Variants in PDZK1 observed in about 807,000 individuals in gnomAD.
PDZK1 encodes PDZ domain containing 1.
A neutral mutation model predicts 38.1 loss-of-function variants in PDZK1; 23 were observed. The ratio of observed to expected loss-of-function variants is 0.60; its 90% CI spans 0.43 to 0.85. The LOEUF (loss-of-function observed/expected upper bound fraction) is 0.85. Among genes scored for constraint, PDZK1 ranks in the 40% least tolerant of loss-of-function variants. The probability of loss-of-function intolerance (pLI) is 0.00; values close to 1 mark genes in which losing one functional copy is unlikely to be tolerated. For missense variants in PDZK1, 297 were observed against 504.3 expected (o/e 0.59, Z 3.94); for synonymous variants, 98 against 186.2 (o/e 0.53, Z 3.86).
At chr1:145,687,398 G>A (rs1654878023) in intron 2 of PDZK1, among the ~76,000 whole-genome samples, 1 of 150,468 alleles carries the variant, frequency 6.6e-6, no homozygotes, top group African/African-American at 2.4e-5. Context: ...GGTGGCGGGT[G>A]CCTATAGTCC....
chr1:145,702,786 G>A (rs587720733), intron 1 of PDZK1, among the ~76,000 whole-genome samples: 9 of 152,214 alleles, frequency 5.9e-5, no homozygotes, highest in East Asian at 5.8e-4. Context: ...CAAGCTACTC[G>A]GGAGGCTGAG....
At chr1:145,678,912 A>G (rs1259249690) in intron 5 of PDZK1, among the ~76,000 whole-genome samples, 1 of 150,418 alleles carries the variant, frequency 6.6e-6, no homozygotes, top group African/African-American at 2.4e-5. Flanking sequence ...AAAGCGTCTG[A>G]CATTTGATTT....
chr1:145,683,892 G>C (rs1157495693), intron 3 of PDZK1, among the ~76,000 whole-genome samples: 3 of 149,724 alleles, frequency 2.0e-5, no homozygotes, highest in African/African-American at 7.4e-5. Flanking sequence ...TGTCACCTAG[G>C]CTGGAACGCA....
rs1330373815 is a variant in PDZK1, at chr1:145,671,051, T to C, written c.*385A>G. The C allele has an allele frequency of 5.8e-6, 1 of 171,336 alleles. No individual in the cohort carries two copies. The highest frequency in any genetic ancestry group is 1.2e-5 in the Non-Finnish European group (1 of 80,666). The allele number at this position is 171,336 out of a possible 1,614,324, so 10.6% of individuals were successfully genotyped here. On this transcript the variant is annotated 3_prime_UTR_variant, in exon 9 of 9. Coordinates refer to ENST00000417171, the MANE Select transcript of PDZK1 (RefSeq NM_001201325.2). ...TTACAAAAGCACAATTTTAATAGGC[T>C]TATCTGCTAAGATGCTTTTATAAGC...
intron 1 of PDZK1, among the ~76,000 whole-genome samples, chr1:145,705,857 C>A (rs1360709370): frequency 6.6e-6 from 1 of 152,066 alleles, no homozygotes; most frequent in Non-Finnish European, 1.5e-5. Flanking sequence ...CTCAAGCAAC[C>A]CTTCCATTTC....
intron 1 of PDZK1, among the ~76,000 whole-genome samples, chr1:145,693,963 C>T (rs1559075994): frequency 6.6e-6 from 1 of 152,112 alleles, no homozygotes; most frequent in Non-Finnish European, 1.5e-5. Context: ...CTTGGTCACA[C>T]CGTGCAGTCC....
At chr1:145,699,755 G>A (rs1655850246) in intron 1 of PDZK1, among the ~76,000 whole-genome samples, 1 of 152,170 alleles carries the variant, frequency 6.6e-6, no homozygotes, top group African/African-American at 2.4e-5. Flanking sequence ...CTTCCCCCAG[G>A]ATCGATTCTG....
chr1:145,695,352 G>A (rs1655568799), intron 1 of PDZK1, among the ~76,000 whole-genome samples: 1 of 152,104 alleles, frequency 6.6e-6, no homozygotes, highest in African/African-American at 2.4e-5. Context: ...AACCCAGGAA[G>A]CGGAGGTTGC....
chr1:145,686,742 A>T lies in PDZK1; in HGVS notation c.211-16T>A. On this transcript the variant is annotated splice_polypyrimidine_tract_variant and intron_variant, in intron 2 of 8. Transcript: ENST00000417171. ...GATCCACAACCTAGGAGGGAAGAAGAAAAAGGTAACTTTAATAACCCTCTG... is the reference window on the plus strand; with the variant it reads ...GATCCACAACCTAGGAGGGAAGAAGTAAAAGGTAACTTTAATAACCCTCTG... 1 of 1,370,734 alleles carries T rather than the reference A, an allele frequency of 7.3e-7. No individual in the cohort carries two copies. Among genetic ancestry groups the T allele is most frequent in the Non-Finnish European group, 1.0e-6 (1 of 995,110 alleles). 84.9% of individuals were successfully genotyped at this position (1,370,734 alleles called of 1,614,324 possible).
chr1:145,698,111 A>T (rs1553704473), intron 1 of PDZK1, among the ~76,000 whole-genome samples: 1 of 152,110 alleles, frequency 6.6e-6, no homozygotes, highest in Non-Finnish European at 1.5e-5. Flanking sequence ...CTCTCCTACG[A>T]AGTAGCTGAC....
At chr1:145,695,604 T>C (rs1553703998) in intron 1 of PDZK1, among the ~76,000 whole-genome samples, 1 of 152,078 alleles carries the variant, frequency 6.6e-6, no homozygotes, top group Non-Finnish European at 1.5e-5. Flanking sequence ...GCCCAAGGGA[T>C]CTGGCCTTAG....
intron 3 of PDZK1, among the ~76,000 whole-genome samples, chr1:145,685,429 G>C (rs1171912866): frequency 3.3e-5 from 5 of 152,320 alleles, no homozygotes; most frequent in African/African-American, 1.2e-4. Context: ...ACATGAGCCA[G>C]ATGAGTAGAA....
At chr1:145,688,596 G>A (rs1043460003) in intron 1 of PDZK1, among the ~76,000 whole-genome samples, 1 of 152,088 alleles carries the variant, frequency 6.6e-6, no homozygotes, top group Non-Finnish European at 1.5e-5. Context: ...ATTTCCTGAA[G>A]GAATGACACT....
At chr1:145,691,675 G>A (rs1387073047) in intron 1 of PDZK1, 2 of 152,142 alleles carry the variant, frequency 1.3e-5, no homozygotes, top group African/African-American at 2.4e-5. Context: ...AATACATGGT[G>A]GTACACATCT....
intron 1 of PDZK1, among the ~76,000 whole-genome samples, chr1:145,702,785 C>T (rs1553705174): frequency 6.6e-6 from 1 of 152,044 alleles, no homozygotes; most frequent in Non-Finnish European, 1.5e-5. Context: ...CCAAGCTACT[C>T]GGGAGGCTGA....
intron 3 of PDZK1, among the ~76,000 whole-genome samples, chr1:145,683,444 A>G (rs1553700802): frequency 6.6e-6 from 1 of 152,210 alleles, no homozygotes. Flanking sequence ...AGTTTGTACT[A>G]TTATATTAGC....
rs587672636 is a variant in PDZK1 at position 145,671,449 on chromosome 1, T to G, written c.1547A>C (p.Asp516Ala). Residue 516 changes from aspartate (D) to alanine (A), a missense_variant, in exon 9 of 9, where the codon GAT becomes GCT. Around this residue, in one of 5 missense-constraint regions of PDZK1, gnomAD observed 54 missense variants for 72.1 expected, o/e 0.75. Transcript: ENST00000417171. ...TASHSSSNSEDTEM is the reference protein window; with the variant it reads ...TASHSSSNSEATEM ...TACTTGTTTTCATCACATCTCTGTATCTTCAGAATTGGAAGAAGAATGTGA... is the reference window on the plus strand; with the variant it reads ...TACTTGTTTTCATCACATCTCTGTAGCTTCAGAATTGGAAGAAGAATGTGA... 2.5e-6 allele frequency: 4 copies of G among 1,574,520 alleles called. No homozygotes were observed. Among genetic ancestry groups the G allele is most frequent in the Non-Finnish European group, 3.5e-6 (4 of 1,149,588 alleles).
chr1:145,679,399 A>G (rs1297424639), intron 5 of PDZK1, among the ~76,000 whole-genome samples: 1 of 152,136 alleles, frequency 6.6e-6, no homozygotes, highest in Non-Finnish European at 1.5e-5. Context: ...CCCCATATCT[A>G]GACGATTGCT....
At chr1:145,686,054 A>AT (rs1409074036) in intron 3 of PDZK1, among the ~76,000 whole-genome samples, 2 of 152,218 alleles carry the variant, frequency 1.3e-5, no homozygotes, top group African/African-American at 2.4e-5. Flanking sequence ...GGGCACTCAG[A>AT]TAAAAAAAAG....
Sources: gnomAD v4.1 joint callset for allele counts (sites outside exome capture counted in the v4.1 genomes callset) on GRCh38, gnomAD v4.1.1 for gene constraint, gnomAD v4.1.1 regional missense constraint, MANE v1.5 for transcripts, NCBI Gene and HGNC (gene_info 2026-07-23, HGNC 2026-07-21) for gene names.